Variants in AUTS2 observed in about 807,000 individuals in gnomAD.
The protein encoded by AUTS2 is autism susceptibility gene 2 protein.
Under a neutral mutation model 112.4 loss-of-function variants are expected in AUTS2, and 17 were observed. The observed-to-expected ratio is 0.15, with a 90% CI of 0.10 to 0.23. The LOEUF is 0.23. Among genes scored for constraint, AUTS2 ranks in the 10% least tolerant of loss-of-function variants. The pLI is 1.00. For missense variants in AUTS2, 1,510 were observed against 1,701.6 expected, an observed-to-expected ratio of 0.89 and a Z score of 1.98; for synonymous variants, 751 against 702.7, an observed-to-expected ratio of 1.07 and a Z score of -1.09.
At chr7:69,838,310 A>ATGG (rs1040979418) in intron 1 of AUTS2, among the ~76,000 whole-genome samples, 15 of 152,118 alleles carry the variant, frequency 9.9e-5, no homozygotes, top group Admixed American at 3.3e-4. Flanking sequence ...ATTGATGATG[A>ATGG]TGATGATGAT....
At chr7:70,486,730 G>A (rs1416902249) in intron 5 of AUTS2, among the ~76,000 whole-genome samples, 1 of 151,872 alleles carries the variant, frequency 6.6e-6, no homozygotes, top group Non-Finnish European at 1.5e-5. Context: ...CTGCACTCCC[G>A]CCTGTGTGAC....
At chr7:70,175,111 C>G (rs894881478) in intron 4 of AUTS2, among the ~76,000 whole-genome samples, 14 of 152,074 alleles carry the variant, frequency 9.2e-5, no homozygotes, top group Non-Finnish European at 1.6e-4. Context: ...AGGAGGAAAT[C>G]AAAATACCAA....
intron 5 of AUTS2, among the ~76,000 whole-genome samples, chr7:70,590,424 G>C (rs987976671): frequency 1.3e-5 from 2 of 152,074 alleles, no homozygotes; most frequent in African/African-American, 4.8e-5. Flanking sequence ...TCTCCCTAGA[G>C]GTTGTTAGAA....
intron 4 of AUTS2, among the ~76,000 whole-genome samples, chr7:70,306,178 A>C (rs1789484931): frequency 6.6e-6 from 1 of 152,236 alleles, no homozygotes; most frequent in Non-Finnish European, 1.5e-5. Flanking sequence ...AATGTTACTT[A>C]CAGTTTTGAA....
At chr7:70,118,823 T>A (rs1437102096) in intron 3 of AUTS2, 1 of 152,252 alleles carries the variant, frequency 6.6e-6, no homozygotes, top group Non-Finnish European at 1.5e-5. Flanking sequence ...GAAAACCTTG[T>A]GAGAATGCGT....
intron 4 of AUTS2, among the ~76,000 whole-genome samples, chr7:70,243,867 G>C (rs1009934605): frequency 1.7e-4 from 26 of 151,910 alleles, no homozygotes; most frequent in Admixed American, 4.6e-4. Context: ...ATTAGACTGG[G>C]CCTGCCCTCT....
chr7:70,522,921 C>T (rs1799701019), intron 5 of AUTS2, among the ~76,000 whole-genome samples: 1 of 152,194 alleles, frequency 6.6e-6, no homozygotes, highest in African/African-American at 2.4e-5. Flanking sequence ...ATTGCCACAA[C>T]TGAGCTTCAG....
intron 4 of AUTS2, among the ~76,000 whole-genome samples, chr7:70,242,931 A>G (rs1812700205): frequency 6.6e-6 from 1 of 152,166 alleles, no homozygotes; most frequent in Admixed American, 6.6e-5. Flanking sequence ...CTAAAGTAGT[A>G]AAGGTCACAG....
chr7:69,984,004 T>G (rs1416058720), intron 2 of AUTS2, among the ~76,000 whole-genome samples: 1 of 152,192 alleles, frequency 6.6e-6, no homozygotes, highest in Non-Finnish European at 1.5e-5. Context: ...TTATCACTCT[T>G]TTTTATGCAG....
intron 2 of AUTS2, among the ~76,000 whole-genome samples, chr7:69,995,264 C>G (rs1186713927): frequency 1.3e-5 from 2 of 152,142 alleles, no homozygotes; most frequent in Non-Finnish European, 2.9e-5. Context: ...ATTTTACTCT[C>G]CCTACCCCTA....
At chr7:70,716,754 C>T (rs369207463) in intron 6 of AUTS2, among the ~76,000 whole-genome samples, 1 of 150,890 alleles carries the variant, frequency 6.6e-6, no homozygotes, top group Non-Finnish European at 1.5e-5. Flanking sequence ...GATGCAATTC[C>T]AGCCTGGGAA....
intron 4 of AUTS2, among the ~76,000 whole-genome samples, chr7:70,431,590 T>C (rs1221444606): frequency 6.6e-6 from 1 of 152,194 alleles, no homozygotes; most frequent in Non-Finnish European, 1.5e-5. Flanking sequence ...TTCACCATGT[T>C]GGTCAGGCTG....
intron 5 of AUTS2, among the ~76,000 whole-genome samples, chr7:70,478,173 A>T (rs974159222): frequency 1.3e-5 from 2 of 152,214 alleles, no homozygotes; most frequent in Non-Finnish European, 2.9e-5. Context: ...CTGAAAAGTA[A>T]CATGGATTGC....
chr7:70,168,271 C>G (rs1316266231), intron 4 of AUTS2, among the ~76,000 whole-genome samples: 2 of 152,164 alleles, frequency 1.3e-5, no homozygotes, highest in Non-Finnish European at 2.9e-5. Flanking sequence ...TATGCAGGCT[C>G]TCTGAGCAAG....
chr7:69,809,004 T>C (rs1046909651), intron 1 of AUTS2, among the ~76,000 whole-genome samples: 1 of 152,130 alleles, frequency 6.6e-6, no homozygotes, highest in African/African-American at 2.4e-5. Context: ...CTATCTTATC[T>C]TAGTGTACCT....
intron 4 of AUTS2, among the ~76,000 whole-genome samples, chr7:70,359,905 G>T (rs1460801982): frequency 6.6e-6 from 1 of 152,162 alleles, no homozygotes; most frequent in Non-Finnish European, 1.5e-5. Context: ...CTTTGATGTG[G>T]CAGTGATAGT....
intron 4 of AUTS2, among the ~76,000 whole-genome samples, chr7:70,429,688 A>T (rs1296322817): frequency 9.2e-5 from 14 of 152,226 alleles, no homozygotes; most frequent in Admixed American, 9.2e-4. Context: ...AGAGTAACTC[A>T]GTAGCATAAT....
intron 4 of AUTS2, among the ~76,000 whole-genome samples, chr7:70,155,594 C>T (rs1807706087): frequency 6.6e-6 from 1 of 151,792 alleles, no homozygotes; most frequent in South Asian, 2.1e-4. Flanking sequence ...CCGTCTCTGG[C>T]CATCCTTATC....
At chr7:70,245,144 G>GTGTGTGTATATATATATATA (rs1233136341) in intron 4 of AUTS2, among the ~76,000 whole-genome samples, 1 of 108,968 alleles carries the variant, frequency 9.2e-6, no homozygotes, top group African/African-American at 4.2e-5. Flanking sequence ...GTGTGTGTGT[G>GTGTGTGTATATATATATATA]TATATATATA....
Sources: gnomAD v4.1 joint callset for allele counts (sites outside exome capture counted in the v4.1 genomes callset) on GRCh38, gnomAD v4.1.1 for gene constraint, MANE v1.5 for transcripts, NCBI Gene and HGNC (gene_info 2026-07-23, HGNC 2026-07-21) for gene names.